PLEKHA7: variants seen among roughly 807,000 people sequenced by gnomAD.
The protein encoded by PLEKHA7 is pleckstrin homology domain-containing family A member 7.
A neutral mutation model predicts 170.0 loss-of-function variants in PLEKHA7; 104 were observed. The observed-to-expected ratio is 0.61, with a 90% confidence interval of 0.52 to 0.72. The LOEUF is 0.72. PLEKHA7 is among the 30% of genes least tolerant of loss of function. The probability of loss-of-function intolerance (pLI) is 0.00; values close to 1 mark genes in which losing one functional copy is unlikely to be tolerated. For synonymous variants in PLEKHA7, 648 were observed against 660.8 expected (o/e 0.98, Z 0.30); for missense variants, 1,615 against 1,671.7 (o/e 0.97, Z 0.59).
intron 13 of PLEKHA7, chr11:16,807,092 G>A: frequency 2.3e-6 from 2 of 884,176 alleles, no homozygotes; most frequent in Non-Finnish European, 2.7e-6. Context: ...TCGGCACCGA[G>A]CCAGAAGCAA....
chr11:16,873,052 C>A (rs1179135685), intron 3 of PLEKHA7, among the ~76,000 whole-genome samples: 2 of 152,054 alleles, frequency 1.3e-5, no homozygotes, highest in African/African-American at 4.8e-5. Flanking sequence ...GGGTTAAAGT[C>A]TCAAAGGTAA....
chr11:16,913,116 C>T (rs1381560919), intron 3 of PLEKHA7, among the ~76,000 whole-genome samples: 4 of 152,188 alleles, frequency 2.6e-5, no homozygotes, highest in African/African-American at 7.2e-5. Context: ...CAATGACAGC[C>T]GGATTTCCTA....
At chr11:16,947,562 G>C (rs1046712673) in intron 3 of PLEKHA7, among the ~76,000 whole-genome samples, 10 of 149,080 alleles carry the variant, frequency 6.7e-5, no homozygotes, top group Middle Eastern at 3.5e-3. Context: ...CTGCACTCCA[G>C]CCTGAGCGAG....
intron 10 of PLEKHA7, among the ~76,000 whole-genome samples, chr11:16,823,284 G>C (rs552409855): frequency 1.3e-5 from 2 of 152,252 alleles, no homozygotes; most frequent in South Asian, 4.1e-4. Flanking sequence ...GGGATTATAG[G>C]TATCAACCCC....
rs1590759913 is a variant in PLEKHA7, at chr11:16,974,760, A to C, written c.221+39229T>G. 3 of 771,808 alleles carry C rather than the reference A, an allele frequency of 3.9e-6. 1 individual carries two copies. The highest frequency in any genetic ancestry group is 4.8e-6 in the Non-Finnish European group (3 of 619,552). 47.8% of individuals were successfully genotyped at this position (771,808 alleles called of 1,614,324 possible). ...CAGTTCAAAATGCTTGCATCTTTTA[A>C]TAGCCAGCATTCTCTTAGATCTGCA... is the stretch of plus-strand genomic sequence containing the variant. On this transcript the variant is annotated intron_variant, in intron 3 of 26. Transcript: ENST00000531066.
intron 6 of PLEKHA7, 22 bp downstream of exon 6, chr11:16,854,867 T>A (rs527344565): frequency 3.8e-5 from 61 of 1,603,528 alleles, no homozygotes; most frequent in South Asian, 3.3e-4. Context: ...CCTCCAGGAT[T>A]CTCACTCCTC....
Position 16,794,469 on chromosome 11 carries a change from C to T in PLEKHA7, c.2745+19G>A, listed in dbSNP as rs371575927. 8.9e-5 allele frequency: 142 copies of T among 1,598,330 alleles called. 1 individual carries two copies. In the African/African-American group the frequency reaches 1.6e-3, roughly 18 times the overall value. ...AGAGAGGAAACAATGGCATTCAGCT[C>T]CTAGTTATCACTACTTACAACTTTG... On this transcript the variant is annotated intron_variant, in intron 19 of 26. Transcript: ENST00000531066.
intron 3 of PLEKHA7, among the ~76,000 whole-genome samples, chr11:16,976,035 G>A (rs1269554765): frequency 1.3e-5 from 2 of 152,174 alleles, no homozygotes; most frequent in Non-Finnish European, 2.9e-5. Context: ...CATCCCTCTG[G>A]CCCCTTTTGG....
At chr11:16,957,689 ATTTTTTTCTT>A (rs1451374655) in intron 3 of PLEKHA7, among the ~76,000 whole-genome samples, 13 of 118,298 alleles carry the variant, frequency 1.1e-4, no homozygotes, top group Middle Eastern at 4.1e-3. Context: ...TACCTCAATA[ATTTTTTTCTT>A]TTTTTTTTTT....
chr11:16,956,184 T>C (rs903991995), intron 3 of PLEKHA7, among the ~76,000 whole-genome samples: 4 of 152,124 alleles, frequency 2.6e-5, no homozygotes, highest in African/African-American at 9.7e-5. Context: ...CATACGTACC[T>C]ATTTTGTTTT....
chr11:16,812,651 A>T (rs750250599), intron 13 of PLEKHA7, among the ~76,000 whole-genome samples: 1 of 152,094 alleles, frequency 6.6e-6, no homozygotes, highest in East Asian at 1.9e-4. Flanking sequence ...CACCTCCTAA[A>T]CCGAGATGGG....
intron 3 of PLEKHA7, among the ~76,000 whole-genome samples, chr11:17,000,276 T>C (rs1253250406): frequency 2.0e-5 from 3 of 152,092 alleles, no homozygotes; most frequent in Admixed American, 6.5e-5. Flanking sequence ...GTATTTTTAG[T>C]AGAGATGGGG....
At position 16,791,369 on chromosome 11, in the gene PLEKHA7, G is replaced by A. The variant is rs1847843647; in HGVS notation, c.2746-170C>T. On this transcript the variant is annotated intron_variant, in intron 19 of 26. Transcript: ENST00000531066. This position sits in a 1 kb window ranked among gnomAD's most constrained non-coding sequence, Gnocchi z 4.5. ...ACACTTCCCCTGGCGGAGCAGTGAAGAAGGGACATGCTCTGCTCCTCTATC... is the reference window on the plus strand; with the variant it reads ...ACACTTCCCCTGGCGGAGCAGTGAAAAAGGGACATGCTCTGCTCCTCTATC... 3.1e-6 allele frequency: 2 copies of A among 636,868 alleles called. No homozygotes were observed. The allele number at this position is 636,868 out of a possible 1,614,324, so 39.5% of individuals were successfully genotyped here.
At chr11:16,828,839 G>C (rs996085277) in intron 9 of PLEKHA7, among the ~76,000 whole-genome samples, 6 of 152,174 alleles carry the variant, frequency 3.9e-5, no homozygotes, top group African/African-American at 1.4e-4. Flanking sequence ...CTGGGACTTG[G>C]GTTGGAGCTG....
Position 16,817,154 on chromosome 11 carries a change from G to A in PLEKHA7, c.1512C>T (p.His504=). ...GGCGCTCTTCACTCGACATCTTCAG[G>A]TGGCTGGCTCGGTCCTGCGCATACT... ...DYKYAQDRAS[H]LKMSSEERRA... The change falls in exon 11 of 27, where the codon CAC becomes CAT. Residue 504 remains histidine (H), a synonymous_variant. Transcript: ENST00000531066. The surrounding 1 kb of genome is among the most constrained non-coding windows in gnomAD (Gnocchi z 4.4). 6.2e-7 allele frequency: 1 copy of A among 1,614,236 alleles called. No individual in the cohort carries two copies. The highest frequency in any genetic ancestry group is 1.3e-5 in the African/African-American group (1 of 75,076).
At chr11:16,800,599 T>G (rs572303971) in intron 17 of PLEKHA7, among the ~76,000 whole-genome samples, 1 of 152,288 alleles carries the variant, frequency 6.6e-6, no homozygotes, top group African/African-American at 2.4e-5. Flanking sequence ...GGGTGGGCAC[T>G]TCCTGCTGCT....
intron 3 of PLEKHA7, among the ~76,000 whole-genome samples, chr11:16,950,854 C>T (rs1455376893): frequency 6.6e-6 from 1 of 152,194 alleles, no homozygotes; most frequent in Admixed American, 6.5e-5. Flanking sequence ...TCCTCCCCAC[C>T]TCACTTCCTC....
intron 17 of PLEKHA7, chr11:16,795,369 C>T (rs991862664): frequency 1.2e-5 from 3 of 254,110 alleles, no homozygotes; most frequent in South Asian, 6.3e-5. Flanking sequence ...TTGCTGGGGG[C>T]GGGGGAGAGG....
At chr11:16,898,315 T>G (rs1464343709) in intron 3 of PLEKHA7, among the ~76,000 whole-genome samples, 1 of 152,230 alleles carries the variant, frequency 6.6e-6, no homozygotes, top group Non-Finnish European at 1.5e-5. Context: ...CATTTTTCTT[T>G]CAGTCATAAA....
Sources: gnomAD v4.1 joint callset for allele counts (sites outside exome capture counted in the v4.1 genomes callset) on GRCh38, gnomAD v4.1.1 for gene constraint, Gnocchi (gnomAD v3.1) non-coding constraint, MANE v1.5 for transcripts, NCBI Gene and HGNC (gene_info 2026-07-23, HGNC 2026-07-21) for gene names.